Variants in SAMD15 observed in about 807,000 individuals in gnomAD.
The protein encoded by SAMD15 is sterile alpha motif domain containing 15.
A neutral mutation model predicts 50.5 loss-of-function variants in SAMD15; 37 were observed. The ratio of observed to expected loss-of-function variants is 0.73; its 90% confidence interval spans 0.56 to 0.96. The LOEUF (loss-of-function observed/expected upper bound fraction) is 0.96. Among genes scored for constraint, SAMD15 ranks in the 40% least tolerant of loss-of-function variants. The pLI is 0.00. For synonymous variants in SAMD15, 255 were observed against 282.8 expected (o/e 0.90, Z 0.99); for missense variants, 789 against 783.8 (o/e 1.01, Z -0.08).
intron 2 of SAMD15, among the ~76,000 whole-genome samples, chr14:77,384,520 A>T (rs4903578): frequency 2.0e-5 from 3 of 151,932 alleles, no homozygotes; most frequent in African/African-American, 7.3e-5. Context: ...TTTGTTGCTC[A>T]AATTGTGCCA....
At chr14:77,389,336 TAA>T (rs33981468) in intron 2 of SAMD15, among the ~76,000 whole-genome samples, 1 of 149,210 alleles carries the variant, frequency 6.7e-6, no homozygotes, top group Non-Finnish European at 1.5e-5. Flanking sequence ...AGCTTTAAAT[TAA>T]AAAAAAAACA....
chr14:77,388,711 C>T (rs980875691), intron 2 of SAMD15, among the ~76,000 whole-genome samples: 8 of 151,740 alleles, frequency 5.3e-5, no homozygotes, highest in Admixed American at 2.0e-4. Flanking sequence ...CAGGTTCAAG[C>T]GACTCTCCTG....
In SAMD15 at chr14:77,377,688, G is replaced by A; in HGVS notation, c.270G>A (p.Glu90=). ...GGTSQEGIAK[E]SKRDVPSETE... ...CGTCCCAGGAAGGAATTGCCAAGGA[G>A]TCCAAGAGAGACGTACCAAGCGAAA... Residue 90 remains glutamate, a synonymous_variant, in exon 1 of 3, where the codon GAG becomes GAA. Coordinates refer to ENST00000216471, the MANE Select transcript of SAMD15 (RefSeq NM_001010860.4). The A allele has an allele frequency of 6.2e-7, 1 of 1,614,190 alleles. No homozygotes were observed. Among genetic ancestry groups the A allele is most frequent in the Non-Finnish European group, 8.5e-7 (1 of 1,180,028 alleles).
Position 77,391,397 on chromosome 14 carries a change from A to T in SAMD15, c.*153A>T, listed in dbSNP as rs1894071330. On this transcript the variant is annotated 3_prime_UTR_variant, in exon 3 of 3. Coordinates refer to ENST00000216471, the MANE Select transcript of SAMD15 (RefSeq NM_001010860.4). Reference sequence around the variant, plus strand: ...CGCCCAGGCTGGAGTGCAATGGCACAGTCTCAGCTCACTGCAACCTTGCGA... The same window carrying T: ...CGCCCAGGCTGGAGTGCAATGGCACTGTCTCAGCTCACTGCAACCTTGCGA... 2 of 552,738 alleles carry T rather than the reference A, an allele frequency of 3.6e-6. No homozygotes were observed. The allele number at this position is 552,738 out of a possible 1,614,324, so 34.2% of individuals were successfully genotyped here.
At chr14:77,380,727 C>T (rs564613091) in intron 2 of SAMD15, among the ~76,000 whole-genome samples, 1 of 152,114 alleles carries the variant, frequency 6.6e-6, no homozygotes, top group Non-Finnish European at 1.5e-5. Flanking sequence ...CTTTTCAGAC[C>T]TTATGGCCTC....
rs1384395052 is a variant in SAMD15, at chr14:77,377,789, C to T, written c.371C>T (p.Ala124Val). 2.5e-6 allele frequency: 4 copies of T among 1,613,892 alleles called. No individual in the cohort carries two copies. Among genetic ancestry groups the T allele is most frequent in the Middle Eastern group, 3.3e-4 (2 of 6,084 alleles). The change falls in exon 1 of 3, where the codon GCC (alanine) becomes GTC (valine). Residue 124 changes from alanine to valine, a missense_variant. Ala to Val is a moderately conservative substitution (Grantham distance 64, BLOSUM62 0). Around this residue, in one of 2 missense-constraint regions of SAMD15, gnomAD observed 770 missense variants for 745.4 expected, o/e 1.03. Coordinates refer to ENST00000216471, the MANE Select transcript of SAMD15 (RefSeq NM_001010860.4). ...GGAGAGTTTTTCAAAGATTTGGAGG[C>T]CCCTATGGATGAAACGCATAAAGAG... ...EMGEFFKDLEAPMDETHKESD... is the reference protein window; with the variant it reads ...EMGEFFKDLEVPMDETHKESD...
intron 2 of SAMD15, among the ~76,000 whole-genome samples, chr14:77,382,851 G>T (rs1478087219): frequency 1.3e-5 from 2 of 152,120 alleles, no homozygotes; most frequent in Non-Finnish European, 2.9e-5. Flanking sequence ...AAGTAGCTGG[G>T]ATTACAGGCA....
At chr14:77,386,398 C>G (rs1241093711) in intron 2 of SAMD15, among the ~76,000 whole-genome samples, 2 of 152,130 alleles carry the variant, frequency 1.3e-5, no homozygotes, top group African/African-American at 2.4e-5. Context: ...GGCTTCCTTT[C>G]CTTAGCAAAA....
chr14:77,386,836 G>T (rs187535911), intron 2 of SAMD15, among the ~76,000 whole-genome samples: 10 of 152,138 alleles, frequency 6.6e-5, no homozygotes, highest in Non-Finnish European at 1.3e-4. Context: ...ACAAATAAAA[G>T]AACAGCAGCC....
chr14:77,381,937 CTTTG>C (rs1267841705), intron 2 of SAMD15, among the ~76,000 whole-genome samples: 1 of 151,820 alleles, frequency 6.6e-6, no homozygotes, highest in Non-Finnish European at 1.5e-5. Flanking sequence ...TGTTTTTTGT[CTTTG>C]TTTTTGTTTT....
In SAMD15 at chr14:77,392,050, T is replaced by C. The variant is rs2139655361; in HGVS notation, c.*806T>C. On this transcript the variant is annotated 3_prime_UTR_variant, in exon 3 of 3. Transcript: ENST00000216471. ...GCCTGGGTGACAGAGTGAGACTCTGTCTAAAACAAACAAACAAAACAAAGC... is the reference window on the plus strand; with the variant it reads ...GCCTGGGTGACAGAGTGAGACTCTGCCTAAAACAAACAAACAAAACAAAGC... Among the ~76,000 whole-genome samples, 1 of 146,664 alleles carries C rather than the reference T, an allele frequency of 6.8e-6. No homozygotes were observed. The highest frequency in any genetic ancestry group is 2.2e-4 in the South Asian group (1 of 4,470).
In SAMD15 at chr14:77,391,280, T is replaced by A. The variant is rs1311149037; in HGVS notation, c.*36T>A. Reference sequence around the variant, plus strand: ...CTTCACAGAGCTTGAAAGATCAAACTAAATTACTTGAGGGAAGAGGTATGG... The same window carrying A: ...CTTCACAGAGCTTGAAAGATCAAACAAAATTACTTGAGGGAAGAGGTATGG... On this transcript the variant is annotated 3_prime_UTR_variant, in exon 3 of 3. Transcript: ENST00000216471. The A allele has an allele frequency of 1.5e-6, 2 of 1,319,338 alleles. No homozygotes were observed. The highest frequency in any genetic ancestry group is 2.2e-6 in the Non-Finnish European group (2 of 929,426). 81.7% of individuals were successfully genotyped at this position (1,319,338 alleles called of 1,614,324 possible).
At chr14:77,389,269 T>TATC (rs980850888) in intron 2 of SAMD15, among the ~76,000 whole-genome samples, 25 of 152,212 alleles carry the variant, frequency 1.6e-4, no homozygotes, top group African/African-American at 5.8e-4. Context: ...GGCAGTTTTA[T>TATC]ATCAGGTTTA....
intron 2 of SAMD15, among the ~76,000 whole-genome samples, chr14:77,381,251 A>G (rs1361913590): frequency 6.6e-6 from 1 of 152,216 alleles, no homozygotes; most frequent in Non-Finnish European, 1.5e-5. Context: ...AACAAGCTAC[A>G]TTAACCACTC....
At position 77,377,468 on chromosome 14, in the gene SAMD15, A is replaced by G; in HGVS notation, c.50A>G (p.Glu17Gly). 6.2e-7 allele frequency: 1 copy of G among 1,613,952 alleles called. No homozygotes were observed. The highest frequency in any genetic ancestry group is 8.5e-7 in the Non-Finnish European group (1 of 1,179,952). ...GATTCCGGCCCAGATGAAGATGGAGAGCTGGAGCCTGAGAGGCCTGAACTG... is the reference window on the plus strand; with the variant it reads ...GATTCCGGCCCAGATGAAGATGGAGGGCTGGAGCCTGAGAGGCCTGAACTG... ...DYDSGPDEDG[E>G]LEPERPELPG... is the part of the protein sequence containing the mutation. Residue 17 changes from glutamate to glycine, a missense_variant, in exon 1 of 3, where the codon GAG becomes GGG. By Grantham distance (98) the Glu-to-Gly change is moderately conservative. Around this residue, in one of 2 missense-constraint regions of SAMD15, gnomAD observed 770 missense variants for 745.4 expected, o/e 1.03. Transcript: ENST00000216471.
In SAMD15 at chr14:77,377,581, C is replaced by G. The variant is rs993092577; in HGVS notation, c.163C>G (p.Pro55Ala). The change falls in exon 1 of 3, where the codon CCA (proline) becomes GCA (alanine). Residue 55 changes from proline (P) to alanine (A), a missense_variant. By Grantham distance (27) the Pro-to-Ala change is conservative. Transcript: ENST00000216471. ...SKLPAEIYQE[P>A]QPETEEEDFK... ...GCTACCAGCAGAGATTTACCAAGAGCCACAGCCAGAGACCGAGGAAGAGGA... is the reference window on the plus strand; with the variant it reads ...GCTACCAGCAGAGATTTACCAAGAGGCACAGCCAGAGACCGAGGAAGAGGA... The G allele has an allele frequency of 1.1e-5, 17 of 1,613,962 alleles. No individual in the cohort carries two copies. The highest frequency in any genetic ancestry group is 1.4e-5 in the Non-Finnish European group (17 of 1,180,032).
chr14:77,385,127 G>A lies in SAMD15; in HGVS notation c.1788+4646G>A, dbSNP rs191340473. Among the ~76,000 whole-genome samples, 603 of 151,992 alleles carry A rather than the reference G, an allele frequency of 4.0e-3. 3 individuals carry two copies. Among genetic ancestry groups the A allele is most frequent in the African/African-American group, 0.014 (578 of 41,480 alleles). On this transcript the variant is annotated intron_variant, in intron 2 of 2. Coordinates refer to ENST00000216471, the MANE Select transcript of SAMD15 (RefSeq NM_001010860.4). ...GAACCTGGAAGGCAGAGGTTGCAGT[G>A]AGCTGAGATCATACCACTGCACTCT...
rs1360414628 is a variant in SAMD15, at chr14:77,378,721, G to T, written c.1303G>T (p.Gly435Ter). Residue 435 changes from glycine to a stop codon, truncating the protein, a stop_gained, in exon 1 of 3, where the codon GGA becomes TGA. Coordinates refer to ENST00000216471, the MANE Select transcript of SAMD15 (RefSeq NM_001010860.4). LOFTEE classifies it high-confidence loss of function. ...ACCAATAAAGTCTAAGTATTCTGTA[G>T]GAAACGATGAGCTAGAGCACCGTGA... ...PEPIKSKYSV[G>*]NDELEHREPK... 2.5e-6 allele frequency: 4 copies of T among 1,613,312 alleles called. No homozygotes were observed. The highest frequency in any genetic ancestry group is 1.3e-5 in the African/African-American group (1 of 74,834).
At position 77,380,370 on chromosome 14, in the gene SAMD15, G is replaced by C. The variant is rs1199412938; in HGVS notation, c.1690-13G>C. Reference sequence around the variant, plus strand: ...AGTACATTTTTTAAGTGATGTCCTTGTTGTATTGACAGGAGTGTTTTATCA... The same window carrying C: ...AGTACATTTTTTAAGTGATGTCCTTCTTGTATTGACAGGAGTGTTTTATCA... On this transcript the variant is annotated splice_polypyrimidine_tract_variant and intron_variant, in intron 1 of 2. Coordinates refer to ENST00000216471, the MANE Select transcript of SAMD15 (RefSeq NM_001010860.4). 1.9e-6 allele frequency: 3 copies of C among 1,560,676 alleles called. No homozygotes were observed. The highest frequency in any genetic ancestry group is 2.7e-6 in the Non-Finnish European group (3 of 1,131,794).
Sources: allele counts gnomAD v4.1 joint callset (sites outside exome capture counted in the v4.1 genomes callset), GRCh38; gene constraint gnomAD v4.1.1; regional missense constraint gnomAD v4.1.1; transcripts MANE v1.5; gene names NCBI Gene and HGNC (gene_info 2026-07-23, HGNC 2026-07-21).